Variants in KCNIP4 observed in about 807,000 individuals in gnomAD.
KCNIP4 encodes Kv channel-interacting protein 4.
A neutral mutation model predicts 34.0 loss-of-function variants in KCNIP4; 12 were observed. The observed-to-expected ratio is 0.35, with a 90% confidence interval of 0.23 to 0.57. The LOEUF is 0.57. Ranked by LOEUF, KCNIP4 falls within the 20% of genes least tolerant of loss-of-function variation. The pLI, the probability that KCNIP4 is intolerant of heterozygous loss-of-function variation, is 0.83. For missense variants in KCNIP4, 238 were observed against 311.7 expected (o/e 0.76, Z 1.78); for synonymous variants, 124 against 102.2 (o/e 1.21, Z -1.29).
At chr4:21,206,969 A>G (rs1756893585) in intron 1 of KCNIP4, among the ~76,000 whole-genome samples, 1 of 152,198 alleles carries the variant, frequency 6.6e-6, no homozygotes, top group Non-Finnish European at 1.5e-5. Context: ...GAGATGCTGC[A>G]TGTATCTCCT....
chr4:21,757,524 C>T (rs1044510451), intron 1 of KCNIP4, among the ~76,000 whole-genome samples: 2 of 152,066 alleles, frequency 1.3e-5, no homozygotes, highest in African/African-American at 4.8e-5. Flanking sequence ...TTTGAAAATG[C>T]TGGTTAGGAA....
At chr4:21,487,257 C>T (rs945121497) in intron 1 of KCNIP4, among the ~76,000 whole-genome samples, 2 of 152,010 alleles carry the variant, frequency 1.3e-5, no homozygotes, top group Non-Finnish European at 2.9e-5. Context: ...AGACCTCATT[C>T]GTTTTGAGGA....
At chr4:20,976,260 C>T (rs1224387549) in intron 1 of KCNIP4, among the ~76,000 whole-genome samples, 2 of 152,104 alleles carry the variant, frequency 1.3e-5, no homozygotes, top group Non-Finnish European at 2.9e-5. Context: ...GAATTGGAAA[C>T]TCCATGGGTT....
intron 1 of KCNIP4, among the ~76,000 whole-genome samples, chr4:21,537,660 A>G (rs747443776): frequency 3.3e-5 from 5 of 152,196 alleles, no homozygotes; most frequent in Non-Finnish European, 7.3e-5. Context: ...AGATTAAGTC[A>G]TACTGTATTA....
chr4:20,909,845 G>T (rs139179387), intron 1 of KCNIP4, among the ~76,000 whole-genome samples: 1 of 151,794 alleles, frequency 6.6e-6, no homozygotes, highest in Non-Finnish European at 1.5e-5. Context: ...TCTCTTACTT[G>T]TCTAGAGAGT....
chr4:21,269,879 G>A (rs1762036730), intron 1 of KCNIP4, among the ~76,000 whole-genome samples: 1 of 152,128 alleles, frequency 6.6e-6, no homozygotes, highest in Non-Finnish European at 1.5e-5. Context: ...CTCATTACCT[G>A]TATGATTTTA....
intron 1 of KCNIP4, among the ~76,000 whole-genome samples, chr4:21,904,712 T>C (rs938852075): frequency 6.6e-6 from 1 of 152,204 alleles, no homozygotes; most frequent in African/African-American, 2.4e-5. Context: ...CTCAGAATTA[T>C]AGACATTTTG....
chr4:20,850,594 C>G lies in KCNIP4; in HGVS notation c.237G>C (p.Gln79His), dbSNP rs1247891252. 2 of 1,612,910 alleles carry G rather than the reference C, an allele frequency of 1.2e-6. No individual in the cohort carries two copies. Among genetic ancestry groups the G allele is most frequent in the Non-Finnish European group, 8.5e-7 (1 of 1,179,732 alleles). ...GAAGCTCTTTCTTGGTAAATTTGCTCTGGGCTTCCAGAAGCTCAAGGGCTT... is the reference window on the plus strand; with the variant it reads ...GAAGCTCTTTCTTGGTAAATTTGCTGTGGGCTTCCAGAAGCTCAAGGGCTT... ...RPEALELLEA[Q>H]SKFTKKELQI... Residue 79 changes from glutamine to histidine, a missense_variant, in exon 3 of 9, where the codon CAG becomes CAC. Coordinates refer to ENST00000382152, the MANE Select transcript of KCNIP4 (RefSeq NM_025221.6).
At chr4:21,579,333 G>A (rs895948198) in intron 1 of KCNIP4, among the ~76,000 whole-genome samples, 1 of 152,004 alleles carries the variant, frequency 6.6e-6, no homozygotes, top group African/African-American at 2.4e-5. Context: ...AACTACTGTG[G>A]GGAAAAGTTG....
rs1356610919 is a variant in KCNIP4, at chr4:21,448,121, C to CTGT, written c.61+500447_61+500449dup. On this transcript the variant is annotated intron_variant, in intron 1 of 8. Transcript: ENST00000382152. ...AGGAAGTAGCTTTGGAATTGAGAAA[C>CTGT]TGTTGGAGGCTGGAAGCATTTTGAG... 2.6e-5 allele frequency among the ~76,000 whole-genome samples: 4 copies of CTGT among 152,116 alleles called. No individual in the cohort carries two copies. In the East Asian group the frequency reaches 7.8e-4, roughly 29 times the overall value.
At chr4:21,090,816 T>C (rs1483560941) in intron 1 of KCNIP4, among the ~76,000 whole-genome samples, 1 of 152,216 alleles carries the variant, frequency 6.6e-6, no homozygotes. Context: ...ACATATTTTC[T>C]CTTCACACGT....
chr4:21,555,374 G>A (rs1442817846), intron 1 of KCNIP4, among the ~76,000 whole-genome samples: 1 of 152,170 alleles, frequency 6.6e-6, no homozygotes, highest in Non-Finnish European at 1.5e-5. Flanking sequence ...AAAATAAAAT[G>A]CAGTGAAAAG....
intron 1 of KCNIP4, among the ~76,000 whole-genome samples, chr4:21,191,057 T>C (rs2194858): frequency 0.51 from 77,356 of 152,078 alleles, 21,686 homozygotes; most frequent in African/African-American, 0.76. Flanking sequence ...AGCGTTATTT[T>C]TTCCAAGCAA....
intron 1 of KCNIP4, among the ~76,000 whole-genome samples, chr4:21,439,939 C>T (rs952987191): frequency 2.6e-5 from 4 of 152,220 alleles, no homozygotes; most frequent in Admixed American, 1.3e-4. Flanking sequence ...ATCTACTCCA[C>T]TTTATAAGCA....
chr4:21,186,608 G>A (rs10013055), intron 1 of KCNIP4, among the ~76,000 whole-genome samples: 56,104 of 151,944 alleles, frequency 0.37, 11,924 homozygotes, highest in African/African-American at 0.59. Flanking sequence ...TAAAGAACAC[G>A]TACAATTTTC....
chr4:21,130,498 C>G (rs1435925126), intron 1 of KCNIP4, among the ~76,000 whole-genome samples: 1 of 152,142 alleles, frequency 6.6e-6, no homozygotes, highest in South Asian at 2.1e-4. Flanking sequence ...TTTCTCTGTG[C>G]TTCATGCTAA....
intron 3 of KCNIP4, among the ~76,000 whole-genome samples, chr4:20,783,936 G>T (rs886992196): frequency 1.3e-5 from 2 of 152,080 alleles, no homozygotes; most frequent in African/African-American, 2.4e-5. Flanking sequence ...ACATATATCT[G>T]GCACTGGGTA....
chr4:21,198,836 C>T (rs1337624705), intron 1 of KCNIP4, among the ~76,000 whole-genome samples: 2 of 152,198 alleles, frequency 1.3e-5, no homozygotes, highest in African/African-American at 2.4e-5. Flanking sequence ...CATCAGCCTC[C>T]AGGAGGGACC....
intron 1 of KCNIP4, among the ~76,000 whole-genome samples, chr4:21,154,590 T>A (rs1234414602): frequency 6.6e-6 from 1 of 152,248 alleles, no homozygotes; most frequent in East Asian, 1.9e-4. Flanking sequence ...CACTTGCCTA[T>A]GCAACATCCA....
Sources: gnomAD v4.1 joint callset for allele counts (sites outside exome capture counted in the v4.1 genomes callset) on GRCh38, gnomAD v4.1.1 for gene constraint, MANE v1.5 for transcripts, NCBI Gene and HGNC (gene_info 2026-07-23, HGNC 2026-07-21) for gene names.